Variants in CCDC14 observed in about 807,000 individuals in gnomAD.
CCDC14 encodes coiled-coil domain-containing protein 14.
Under a neutral mutation model 81.4 loss-of-function variants are expected in CCDC14, and 71 were observed. The observed-to-expected ratio is 0.87, with a 90% CI of 0.72 to 1.06. The LOEUF (loss-of-function observed/expected upper bound fraction) is 1.06. Among genes scored for constraint, CCDC14 ranks in the 50% least tolerant of loss-of-function variants. The probability of loss-of-function intolerance (pLI) is 0.00; values close to 1 mark genes in which losing one functional copy is unlikely to be tolerated. For synonymous variants in CCDC14, 332 were observed against 364.8 expected (o/e 0.91, Z 1.03); for missense variants, 1,046 against 1,047.3 (o/e 1.00, Z 0.02).
intron 5 of CCDC14, chr3:123,954,122 A>G (rs2037196400): frequency 6.6e-6 from 1 of 152,172 alleles, no homozygotes; most frequent in Non-Finnish European, 1.5e-5. Flanking sequence ...GGTGCCCTGG[A>G]TAAGAAATAA....
At chr3:123,937,832 T>A (rs1007573001) in intron 9 of CCDC14, among the ~76,000 whole-genome samples, 1 of 151,962 alleles carries the variant, frequency 6.6e-6, no homozygotes, top group African/African-American at 2.4e-5. Flanking sequence ...AAGTCAATTT[T>A]GTATACTGTA....
intron 9 of CCDC14, among the ~76,000 whole-genome samples, chr3:123,940,587 G>C (rs1242859775): frequency 2.6e-5 from 4 of 151,664 alleles, no homozygotes; most frequent in Non-Finnish European, 5.9e-5. Flanking sequence ...TTAATCTTCT[G>C]TTCTTTCCTT....
intron 12 of CCDC14, among the ~76,000 whole-genome samples, chr3:123,919,393 G>A (rs2034906264): frequency 6.6e-6 from 1 of 152,194 alleles, no homozygotes; most frequent in African/African-American, 2.4e-5. Context: ...CTCCAGCCCT[G>A]CCTGTCACGA....
Position 123,931,075 on chromosome 3 carries a change from G to C in CCDC14, c.1778+27C>G, listed in dbSNP as rs779236942. ...AAACATCTAAAAATAAAAAAGGCAT[G>C]AGTTATTCAAAGGAAGTCAATTTTA... is the stretch of plus-strand genomic sequence containing the variant. On this transcript the variant is annotated intron_variant, in intron 12 of 12. Transcript: ENST00000409697. 7 of 1,539,866 alleles carry C rather than the reference G, an allele frequency of 4.5e-6. No homozygotes were observed. In the East Asian group the frequency reaches 1.6e-4, roughly 35 times the overall value.
intron 9 of CCDC14, among the ~76,000 whole-genome samples, chr3:123,940,379 G>C (rs1559790454): frequency 6.6e-6 from 1 of 151,686 alleles, no homozygotes; most frequent in Non-Finnish European, 1.5e-5. Flanking sequence ...CTCCCTGTAA[G>C]AGATCCTACT....
chr3:123,885,508 A>G, the CCDC14 span, among the ~76,000 whole-genome samples: 1 of 148,060 alleles, frequency 6.8e-6, no homozygotes, highest in Admixed American at 6.7e-5. Flanking sequence ...TTGCCTTTTC[A>G]GTCTTTTCCT....
chr3:123,919,402 G>A (rs1577232480), intron 12 of CCDC14, among the ~76,000 whole-genome samples: 1 of 152,132 alleles, frequency 6.6e-6, no homozygotes, highest in Non-Finnish European at 1.5e-5. Context: ...TGCCTGTCAC[G>A]AGTGGCTGGG....
intron 9 of CCDC14, among the ~76,000 whole-genome samples, chr3:123,936,807 A>T (rs1181747664): frequency 3.3e-5 from 5 of 152,068 alleles, no homozygotes; most frequent in Non-Finnish European, 7.4e-5. Context: ...GTGTTTACCT[A>T]TGTAACAAAC....
In CCDC14 at chr3:123,955,877, T is replaced by C; in HGVS notation, c.318A>G (p.Lys106=). 1 of 1,535,668 alleles carries C rather than the reference T, an allele frequency of 6.5e-7. No individual in the cohort carries two copies. The highest frequency in any genetic ancestry group is 8.8e-7 in the Non-Finnish European group (1 of 1,139,190). Residue 106 remains lysine (K), a synonymous_variant, in exon 5 of 13, where the codon AAA becomes AAG. Transcript: ENST00000409697. ...RYGSKKKRHE[K]HTIPLVVQKE... ...TCTGGACTACCAAAGGAATAGTATG[T>C]TTTTCATGTCTTTTCTTTTTTGATC...
At chr3:123,890,437 A>C in the CCDC14 span, among the ~76,000 whole-genome samples, 4 of 152,216 alleles carry the variant, frequency 2.6e-5, no homozygotes, top group African/African-American at 9.7e-5. Flanking sequence ...AATCAAAAGC[A>C]AGTTAGTTAC....
chr3:123,951,123 A>C (rs2036995295), intron 5 of CCDC14, among the ~76,000 whole-genome samples: 1 of 152,152 alleles, frequency 6.6e-6, no homozygotes, highest in South Asian at 2.1e-4. Context: ...TGCGCAAATT[A>C]ACTTCTCTTG....
At chr3:123,933,892 A>G (rs2035895062) in intron 9 of CCDC14, 137 bp from the exon 10 acceptor site, 1 of 594,640 alleles carries the variant, frequency 1.7e-6, no homozygotes, top group African/African-American at 1.9e-5. Context: ...AAAGACAAAA[A>G]CTAAATAAAC....
intron 12 of CCDC14, among the ~76,000 whole-genome samples, chr3:123,919,015 C>A (rs2034882833): frequency 6.6e-6 from 1 of 152,102 alleles, no homozygotes. Context: ...TGCGGTGGCA[C>A]CTAAGTGTTG....
At position 123,914,542 on chromosome 3, in the gene CCDC14, C is replaced by G. The variant is rs2034549644; in HGVS notation, c.*237G>C. Reference sequence around the variant, plus strand: ...TGCTAAGTACTGAAATAAAACATTACTTACAATAATTTCCTAGTTATCCAC... The same window carrying G: ...TGCTAAGTACTGAAATAAAACATTAGTTACAATAATTTCCTAGTTATCCAC... On this transcript the variant is annotated 3_prime_UTR_variant, in exon 13 of 13. Transcript: ENST00000409697. 1 of 1,175,970 alleles carries G rather than the reference C, an allele frequency of 8.5e-7. No homozygotes were observed. Among genetic ancestry groups the G allele is most frequent in the African/African-American group, 1.6e-5 (1 of 62,536 alleles). 72.8% of individuals were successfully genotyped at this position (1,175,970 alleles called of 1,614,324 possible).
At chr3:123,934,025 C>A (rs1311762812) in intron 9 of CCDC14, among the ~76,000 whole-genome samples, 1 of 152,086 alleles carries the variant, frequency 6.6e-6, no homozygotes, top group Non-Finnish European at 1.5e-5. Context: ...GTAATCCCAG[C>A]ACTTTGGGAG....
intron 9 of CCDC14, among the ~76,000 whole-genome samples, chr3:123,941,293 TAAATGCCAA>T (rs2036336916): frequency 6.6e-6 from 1 of 151,970 alleles, no homozygotes; most frequent in African/African-American, 2.4e-5. Context: ...CTGTCTAGCC[TAAATGCCAA>T]AAATGCCAAA....
chr3:123,891,268 A>C, the CCDC14 span, among the ~76,000 whole-genome samples: 2 of 152,202 alleles, frequency 1.3e-5, no homozygotes, highest in Non-Finnish European at 2.9e-5. Flanking sequence ...CCCCATTGTC[A>C]TGGGGATTAA....
chr3:123,913,371 C>T (rs2034490650), downstream of CCDC14: 3 of 983,790 alleles, frequency 3.0e-6, no homozygotes, highest in Non-Finnish European at 1.2e-6. Flanking sequence ...TAAGATTTTA[C>T]TTTTGCATAT....
At chr3:123,893,082 G>T (rs2034012671), downstream of CCDC14, among the ~76,000 whole-genome samples, 1 of 152,146 alleles carries the variant, frequency 6.6e-6, no homozygotes, top group South Asian at 2.1e-4. Flanking sequence ...GGTATTACAG[G>T]CATGAGCCAC....
Sources: allele counts gnomAD v4.1 joint callset (sites outside exome capture counted in the v4.1 genomes callset), GRCh38; gene constraint gnomAD v4.1.1; transcripts MANE v1.5; gene names NCBI Gene and HGNC (gene_info 2026-07-23, HGNC 2026-07-21).